MACROD2: variants seen among roughly 807,000 people sequenced by gnomAD.
MACROD2 encodes mono-ADP ribosylhydrolase 2, also known as ADP-ribose glycohydrolase MACROD2.
MACROD2 carries 36 observed loss-of-function variants against 70.4 expected under a neutral mutation model. The ratio of observed to expected loss-of-function variants is 0.51; its 90% confidence interval spans 0.39 to 0.68. The LOEUF (loss-of-function observed/expected upper bound fraction) is 0.68. Ranked by LOEUF, MACROD2 falls within the 30% of genes least tolerant of loss-of-function variation. The pLI, the probability that MACROD2 is intolerant of heterozygous loss-of-function variation, is 0.00. For missense variants in MACROD2, 496 were observed against 538.4 expected (o/e 0.92, Z 0.78); for synonymous variants, 172 against 178.8 (o/e 0.96, Z 0.30).
At chr20:14,705,812 G>T (rs568020773) in intron 5 of MACROD2, among the ~76,000 whole-genome samples, 1 of 152,196 alleles carries the variant, frequency 6.6e-6, no homozygotes, top group Admixed American at 6.5e-5. Flanking sequence ...AAACATTAAT[G>T]ATTCTAGATG....
At chr20:14,431,472 C>T (rs2083994244) in intron 3 of MACROD2, among the ~76,000 whole-genome samples, 1 of 152,122 alleles carries the variant, frequency 6.6e-6, no homozygotes, top group Non-Finnish European at 1.5e-5. Flanking sequence ...ATACATATTT[C>T]ACAAAATTGT....
At chr20:15,119,520 C>T (rs1438120043) in intron 5 of MACROD2, among the ~76,000 whole-genome samples, 1 of 152,062 alleles carries the variant, frequency 6.6e-6, no homozygotes, top group Admixed American at 6.6e-5. Flanking sequence ...TGATGTTATC[C>T]TCACTTCAAT....
intron 5 of MACROD2, among the ~76,000 whole-genome samples, chr20:14,731,277 T>C (rs2071594207): frequency 6.6e-6 from 1 of 152,152 alleles, no homozygotes. Flanking sequence ...CCTGAGTTCA[T>C]GCTGCCCCTA....
chr20:15,450,113 T>C (rs965905451), intron 7 of MACROD2, among the ~76,000 whole-genome samples: 1 of 152,148 alleles, frequency 6.6e-6, no homozygotes, highest in African/African-American at 2.4e-5. Flanking sequence ...ATCACACATA[T>C]ATACCTGTAT....
At chr20:15,445,984 A>T (rs2046560656) in intron 7 of MACROD2, among the ~76,000 whole-genome samples, 1 of 152,162 alleles carries the variant, frequency 6.6e-6, no homozygotes, top group African/African-American at 2.4e-5. Context: ...CATATGTTAG[A>T]TGGGAACAGC....
At chr20:14,347,808 G>A (rs148397917) in intron 3 of MACROD2, among the ~76,000 whole-genome samples, 5 of 152,254 alleles carry the variant, frequency 3.3e-5, no homozygotes, top group South Asian at 2.1e-4. Flanking sequence ...GAAGATATGG[G>A]ACATGGGGCC....
intron 3 of MACROD2, among the ~76,000 whole-genome samples, chr20:14,196,854 C>G (rs2081436705): frequency 6.6e-6 from 1 of 152,222 alleles, no homozygotes; most frequent in Non-Finnish European, 1.5e-5. Context: ...TACAGAAAAA[C>G]TAGAAACTGA....
At chr20:15,601,215 A>G (rs1310193823) in intron 8 of MACROD2, among the ~76,000 whole-genome samples, 2 of 152,138 alleles carry the variant, frequency 1.3e-5, no homozygotes, top group Non-Finnish European at 2.9e-5. Context: ...CTTATTGGCA[A>G]AGGAGCTGTC....
At chr20:14,543,842 G>A (rs191769986) in intron 4 of MACROD2, among the ~76,000 whole-genome samples, 10 of 152,190 alleles carry the variant, frequency 6.6e-5, no homozygotes, top group East Asian at 3.9e-4. Context: ...ATTTCTCCTC[G>A]TTTTCTAACA....
intron 5 of MACROD2, among the ~76,000 whole-genome samples, chr20:15,088,745 TAATA>T (rs1469720707): frequency 6.6e-6 from 1 of 151,812 alleles, no homozygotes; most frequent in Non-Finnish European, 1.5e-5. Flanking sequence ...CTTAAAAATA[TAATA>T]AAGACAGGAC....
chr20:14,473,764 TA>T (rs2084557860), intron 3 of MACROD2, among the ~76,000 whole-genome samples: 1 of 152,222 alleles, frequency 6.6e-6, no homozygotes, highest in African/African-American at 2.4e-5. Flanking sequence ...TCATATCCAC[TA>T]ACAGTGTGTA....
chr20:14,490,092 G>A (rs1008377986), intron 3 of MACROD2, among the ~76,000 whole-genome samples: 1 of 151,904 alleles, frequency 6.6e-6, no homozygotes, highest in Non-Finnish European at 1.5e-5. Context: ...TTTTCATTTA[G>A]GCTAATTATT....
chr20:15,734,640 G>A (rs1305544725), intron 8 of MACROD2, among the ~76,000 whole-genome samples: 1 of 152,162 alleles, frequency 6.6e-6, no homozygotes, highest in Non-Finnish European at 1.5e-5. Flanking sequence ...GATGCCTCCA[G>A]AAAACAAAAA....
intron 5 of MACROD2, among the ~76,000 whole-genome samples, chr20:15,139,560 A>T (rs1303022596): frequency 6.6e-6 from 1 of 152,164 alleles, no homozygotes; most frequent in Admixed American, 6.5e-5. Flanking sequence ...TGGGCTAAGG[A>T]TGCAGGAGCT....
At chr20:15,176,026 C>T (rs1173079188) in intron 5 of MACROD2, among the ~76,000 whole-genome samples, 2 of 152,230 alleles carry the variant, frequency 1.3e-5, no homozygotes, top group Non-Finnish European at 2.9e-5. Context: ...GCTCCCAGTA[C>T]CCTCTCTGCT....
At chr20:14,976,358 C>T (rs1323451400) in intron 5 of MACROD2, among the ~76,000 whole-genome samples, 2 of 152,144 alleles carry the variant, frequency 1.3e-5, no homozygotes, top group Admixed American at 1.3e-4. Context: ...GCCTCTATTC[C>T]TTAGTATGTG....
chr20:15,897,368 T>A (rs62194161), intron 10 of MACROD2, among the ~76,000 whole-genome samples: 70 of 152,210 alleles, frequency 4.6e-4, no homozygotes, highest in Non-Finnish European at 7.9e-4. Context: ...ATCACTATGA[T>A]GTGCCTAGGT....
chr20:15,746,562 T>TAAAAAAAAAA (rs536288457), intron 8 of MACROD2, among the ~76,000 whole-genome samples: 1 of 107,104 alleles, frequency 9.3e-6, no homozygotes, highest in Non-Finnish European at 2.0e-5. Flanking sequence ...TGGTTTCCAG[T>TAAAAAAAAAA]AAAAAAAAAA....
chr20:14,098,419 A>G (rs1308521860), intron 3 of MACROD2, among the ~76,000 whole-genome samples: 1 of 152,188 alleles, frequency 6.6e-6, no homozygotes, highest in African/African-American at 2.4e-5. Flanking sequence ...TACGTTAACA[A>G]TGTGTTTTTA....
Sources: allele counts gnomAD v4.1 joint callset (sites outside exome capture counted in the v4.1 genomes callset), GRCh38; gene constraint gnomAD v4.1.1; transcripts MANE v1.5; gene names NCBI Gene and HGNC (gene_info 2026-07-23, HGNC 2026-07-21).